Variants in NFXL1 observed in about 807,000 individuals in gnomAD.
NFXL1 encodes nuclear transcription factor, X-box binding like 1.
NFXL1 carries 66 observed loss-of-function variants against 123.3 expected under a neutral mutation model. That is an observed-to-expected ratio of 0.54 (90% CI 0.44 to 0.66). The LOEUF is 0.66. Ranked by LOEUF, NFXL1 falls within the 30% of genes least tolerant of loss-of-function variation. NFXL1 has a pLI of 0.00. For synonymous variants in NFXL1, 346 were observed against 360.8 expected (o/e 0.96, Z 0.46); for missense variants, 944 against 1,125.6 (o/e 0.84, Z 2.31).
intron 17 of NFXL1, 122 bp from the exon 18 acceptor site, chr4:47,875,415 G>C (rs1735685828): frequency 1.6e-6 from 1 of 631,654 alleles, no homozygotes; most frequent in Admixed American, 3.4e-5. Flanking sequence ...CTTAGAAACA[G>C]AGTTAATCAA....
intron 9 of NFXL1, 104 bp downstream of exon 9, chr4:47,897,863 A>C: frequency 1.6e-6 from 1 of 644,846 alleles, no homozygotes; most frequent in Non-Finnish European, 2.6e-6. Flanking sequence ...GGCTTCTTTC[A>C]TTTAGTAATA....
At chr4:47,891,106 CT>C (rs1180771082) in intron 11 of NFXL1, among the ~76,000 whole-genome samples, 8 of 133,234 alleles carry the variant, frequency 6.0e-5, no homozygotes, top group African/African-American at 1.8e-4. Flanking sequence ...TTTTCTTTTT[CT>C]TTTTTTCTTT....
At position 47,911,003 on chromosome 4, in the gene NFXL1, A is replaced by G; in HGVS notation, c.236-9T>C. 6.6e-7 allele frequency: 1 copy of G among 1,518,892 alleles called. No individual in the cohort carries two copies. The highest frequency in any genetic ancestry group is 1.3e-5 in the South Asian group (1 of 79,780). 94.1% of individuals were successfully genotyped at this position (1,518,892 alleles called of 1,614,324 possible). A position where few individuals can be genotyped will look rare whatever the true frequency, so the allele number is the denominator to read the frequency against. On this transcript the variant is annotated splice_polypyrimidine_tract_variant and intron_variant, in intron 2 of 22. Coordinates refer to ENST00000507489, the MANE Select transcript of NFXL1 (RefSeq NM_001278624.2). ...TTTCTGAGACATTAGCTCTGTTTAA[A>G]AGAAAAAAGTTTCATTTCTGCAAAA... is the stretch of plus-strand genomic sequence containing the variant.
At position 47,898,722 on chromosome 4, in the gene NFXL1, T is replaced by C. The variant is rs753842379; in HGVS notation, c.1089+35A>G. On this transcript the variant is annotated intron_variant, in intron 8 of 22. Coordinates refer to ENST00000507489, the MANE Select transcript of NFXL1 (RefSeq NM_001278624.2). ...AGGTTGTCTATGCTTTCTGTACTCT[T>C]TAATACCCACCCCTCAAAATGCATA... 68 of 1,322,408 alleles carry C rather than the reference T, an allele frequency of 5.1e-5. No individual in the cohort carries two copies. The East Asian group carries it at 1.5e-3, about 29-fold the overall frequency. The allele number at this position is 1,322,408 out of a possible 1,614,324, so 81.9% of individuals were successfully genotyped here.
chr4:47,865,965 G>A (rs754228246), intron 18 of NFXL1, among the ~76,000 whole-genome samples: 5 of 152,064 alleles, frequency 3.3e-5, no homozygotes, highest in East Asian at 1.9e-4. Flanking sequence ...GCAGTGAGCC[G>A]TGAGTGCGCC....
chr4:47,905,069 T>C (rs537926098), intron 4 of NFXL1, among the ~76,000 whole-genome samples, 168 bp downstream of exon 4: 31 of 152,160 alleles, frequency 2.0e-4, no homozygotes, highest in African/African-American at 7.2e-4. Context: ...TAGTGGTAAT[T>C]TTTTTTTAAT....
In NFXL1 at chr4:47,910,988, A is replaced by G; in HGVS notation, c.242T>C (p.Met81Thr). Residue 81 changes from methionine (M) to threonine (T), a missense_variant, in exon 3 of 23, where the codon ATG (methionine) becomes ACG (threonine). Physicochemically the swap from Met to Thr is moderately conservative, Grantham distance 81. Transcript: ENST00000507489. ...ALQTTAASEL[M>T]SQKKFEEIKK... ...GATTTCTTCAAATTTTTTCTGAGAC[A>G]TTAGCTCTGTTTAAAAGAAAAAAGT... The G allele has an allele frequency of 6.4e-7, 1 of 1,569,374 alleles. No homozygotes were observed.
At chr4:47,884,316 T>C in intron 15 of NFXL1, 30 bp downstream of exon 15, 1 of 1,386,144 alleles carries the variant, frequency 7.2e-7, no homozygotes, top group South Asian at 1.2e-5. Context: ...TTTTTTGTTT[T>C]TTTTTTTTAA....
chr4:47,900,261 G>A (rs899216956), intron 5 of NFXL1, among the ~76,000 whole-genome samples: 4 of 151,956 alleles, frequency 2.6e-5, no homozygotes, highest in African/African-American at 9.7e-5. Context: ...CCAGGCTGGA[G>A]TATAGTGGCG....
At chr4:47,853,493 A>G (rs1376942452) in intron 20 of NFXL1, among the ~76,000 whole-genome samples, 1 of 152,130 alleles carries the variant, frequency 6.6e-6, no homozygotes, top group African/African-American at 2.4e-5. Flanking sequence ...TTATGAACCC[A>G]GTACAAAGAA....
chr4:47,865,466 A>C (rs1436998257), intron 18 of NFXL1, among the ~76,000 whole-genome samples: 1 of 132,740 alleles, frequency 7.5e-6, no homozygotes, highest in Non-Finnish European at 1.6e-5. Context: ...ATTTCTACAA[A>C]CTTCAAATTA....
chr4:47,853,523 C>G (rs957480485), intron 20 of NFXL1, among the ~76,000 whole-genome samples: 2 of 151,980 alleles, frequency 1.3e-5, no homozygotes, highest in African/African-American at 4.8e-5. Context: ...GAAGGAACAG[C>G]TAAGCCTTCC....
At chr4:47,861,159 C>T (rs1734746283) in intron 19 of NFXL1, among the ~76,000 whole-genome samples, 2 of 152,246 alleles carry the variant, frequency 1.3e-5, no homozygotes, top group South Asian at 4.1e-4. Context: ...CCATGCCCGG[C>T]CCAGCAATCT....
In NFXL1 at chr4:47,903,317, T is replaced by C. The variant is rs760050461; in HGVS notation, c.523A>G (p.Ser175Gly). Residue 175 changes from serine (S) to glycine (G), a missense_variant, in exon 5 of 23, where the codon AGC becomes GGC. Physicochemically the swap from Ser to Gly is moderately conservative, Grantham distance 56 (BLOSUM62 0). This residue lies in a region of NFXL1 where 303 missense variants were observed against 292.1 expected (regional missense o/e 1.04). Coordinates refer to ENST00000507489, the MANE Select transcript of NFXL1 (RefSeq NM_001278624.2). Reference sequence around the variant, plus strand: ...AATATACAGAAACATCCCGAACAGCTCCAAACCTAAGACAAATGTATCAGA... The same window carrying C: ...AATATACAGAAACATCCCGAACAGCCCCAAACCTAAGACAAATGTATCAGA... ...ASVKRNQAVW[S>G]CSGCFCIFHM... 2.0e-6 allele frequency: 3 copies of C among 1,533,358 alleles called. No homozygotes were observed. Among genetic ancestry groups the C allele is most frequent in the Non-Finnish European group, 2.6e-6 (3 of 1,145,824 alleles). The allele number at this position is 1,533,358 out of a possible 1,614,324, so 95.0% of individuals were successfully genotyped here.
intron 18 of NFXL1, among the ~76,000 whole-genome samples, chr4:47,870,251 G>A (rs1735351493): frequency 1.3e-5 from 2 of 152,024 alleles, no homozygotes; most frequent in South Asian, 4.1e-4. Context: ...AAAAATTATA[G>A]ACTAATACAA....
Position 47,894,246 on chromosome 4 carries a change from T to A in NFXL1, c.1386A>T (p.Lys462Asn). The change falls in exon 11 of 23, where the codon AAA becomes AAT. Residue 462 changes from lysine (K) to asparagine (N), a missense_variant. Around this residue, in one of 4 missense-constraint regions of NFXL1, gnomAD observed 296 missense variants for 395.1 expected, o/e 0.75. Coordinates refer to ENST00000507489, the MANE Select transcript of NFXL1 (RefSeq NM_001278624.2). The stretch of plus-strand genomic sequence containing the variant: ...CACACTTAGTTTCACACAGATAAGG[T>A]TTATGACAAGGCATTCGTTTTGTAT... The part of the protein sequence containing the change: ...GKHTKRMPCH[K>N]PYLCETKCVK... The A allele has an allele frequency of 6.2e-7, 1 of 1,605,544 alleles. No homozygotes were observed.
chr4:47,896,469 T>G (rs1737090829), intron 10 of NFXL1, 54 bp downstream of exon 10: 1 of 1,381,472 alleles, frequency 7.2e-7, no homozygotes, highest in Non-Finnish European at 1.0e-6. Context: ...CAATCTCATT[T>G]GATACATTAT....
At chr4:47,890,369 T>C (rs1322385559) in intron 12 of NFXL1, among the ~76,000 whole-genome samples, 2 of 152,142 alleles carry the variant, frequency 1.3e-5, no homozygotes, top group Non-Finnish European at 2.9e-5. Context: ...TATACAGAAA[T>C]CCTGGGTTCA....
chr4:47,901,971 C>T (rs1045646910), intron 5 of NFXL1, among the ~76,000 whole-genome samples: 1 of 152,130 alleles, frequency 6.6e-6, no homozygotes, highest in African/African-American at 2.4e-5. Context: ...CACTTGAGGC[C>T]AGAAGTTCAA....
Sources: gnomAD v4.1 joint callset for allele counts (sites outside exome capture counted in the v4.1 genomes callset) on GRCh38, gnomAD v4.1.1 for gene constraint, gnomAD v4.1.1 regional missense constraint, MANE v1.5 for transcripts, NCBI Gene and HGNC (gene_info 2026-07-23, HGNC 2026-07-21) for gene names.